The following SLC36A1 variants were observed in gnomAD, a reference collection of about 807,000 sequenced individuals.
The protein encoded by SLC36A1 is proton-coupled amino acid transporter 1.
SLC36A1 carries 30 observed loss-of-function variants against 47.5 expected under a neutral mutation model. The ratio of observed to expected loss-of-function variants is 0.63; its 90% CI spans 0.47 to 0.86. The LOEUF is 0.86. Among genes scored for constraint, SLC36A1 ranks in the 40% least tolerant of loss-of-function variants. The pLI is 0.00. For synonymous variants in SLC36A1, 255 were observed against 249.7 expected, an observed-to-expected ratio of 1.02 and a Z score of -0.20; for missense variants, 517 against 606.0, an observed-to-expected ratio of 0.85 and a Z score of 1.54.
chr5:151,492,911 C>G (rs188698834), downstream of SLC36A1, among the ~76,000 whole-genome samples: 1 of 152,206 alleles, frequency 6.6e-6, no homozygotes, highest in African/African-American at 2.4e-5. Flanking sequence ...TGCCTACAGG[C>G]CTGCCCTATG....
At chr5:151,527,503 C>G in the SLC36A1 span, 15 of 856,250 alleles carry the variant, frequency 1.8e-5, no homozygotes, top group African/African-American at 2.6e-4. Context: ...ACCCCCACTG[C>G]CCACCCGTAG....
upstream of SLC36A1, among the ~76,000 whole-genome samples, chr5:151,435,317 G>T (rs1284277150): frequency 6.6e-6 from 1 of 152,156 alleles, no homozygotes; most frequent in Non-Finnish European, 1.5e-5. Flanking sequence ...ATGCTGAGAG[G>T]ATATAAACTA....
chr5:151,543,573 A>G, the SLC36A1 span: 1 of 1,614,198 alleles, frequency 6.2e-7, no homozygotes, highest in Non-Finnish European at 8.5e-7. Context: ...TGATGATAGT[A>G]TAATCTATAG....
At chr5:151,359,416 C>T in the SLC36A1 span, among the ~76,000 whole-genome samples, 2 of 152,180 alleles carry the variant, frequency 1.3e-5, no homozygotes, top group Non-Finnish European at 2.9e-5. Flanking sequence ...CTCTCTTTCT[C>T]TTCTAGTCTA....
chr5:151,458,250 A>C (rs1262282222), intron 1 of SLC36A1, among the ~76,000 whole-genome samples: 1 of 95,058 alleles, frequency 1.1e-5, no homozygotes, highest in East Asian at 2.1e-4. Flanking sequence ...GAGCTTGTAC[A>C]TATATATATA....
chr5:151,443,916 G>C (rs1029708060), upstream of SLC36A1, among the ~76,000 whole-genome samples: 2 of 152,126 alleles, frequency 1.3e-5, no homozygotes, highest in Non-Finnish European at 2.9e-5. Context: ...CGTTTATTGA[G>C]GAGACTGTCT....
At chr5:151,550,281 T>C in the SLC36A1 span, among the ~76,000 whole-genome samples, 1 of 152,190 alleles carries the variant, frequency 6.6e-6, no homozygotes, top group South Asian at 2.1e-4. Flanking sequence ...CCCTTCCAGC[T>C]CTGACATTAC....
chr5:151,464,263 A>G (rs941118203), intron 3 of SLC36A1, among the ~76,000 whole-genome samples: 2 of 152,184 alleles, frequency 1.3e-5, no homozygotes, highest in African/African-American at 4.8e-5. Context: ...CAGTCTTGGA[A>G]CAGACTTATC....
chr5:151,347,562 T>C, the SLC36A1 span: 2 of 1,462,150 alleles, frequency 1.4e-6, no homozygotes. Context: ...AGCACAGTGG[T>C]GTGTGCCCGG....
chr5:151,517,853 G>T, the SLC36A1 span: 1 of 1,488,970 alleles, frequency 6.7e-7, no homozygotes, highest in Non-Finnish European at 9.2e-7. Flanking sequence ...ATCCTTGGGT[G>T]GCAGACAGAA....
the SLC36A1 span, among the ~76,000 whole-genome samples, chr5:151,407,125 G>C: frequency 2.0e-5 from 3 of 152,216 alleles, no homozygotes; most frequent in Non-Finnish European, 4.4e-5. Flanking sequence ...AGCTCATACA[G>C]GTAGTATGGC....
At chr5:151,436,503 C>G (rs73285668), upstream of SLC36A1, among the ~76,000 whole-genome samples, 1,364 of 151,976 alleles carry the variant, frequency 9.0e-3, 23 homozygotes, top group African/African-American at 0.031. Context: ...CAGGTTCTCA[C>G]ACAACCATAT....
intron 1 of SLC36A1, among the ~76,000 whole-genome samples, chr5:151,454,805 C>T (rs1754250730): frequency 6.6e-6 from 1 of 151,318 alleles, no homozygotes; most frequent in African/African-American, 2.4e-5. Flanking sequence ...CTCCGCCTCC[C>T]GGGTTCACAC....
the SLC36A1 span, among the ~76,000 whole-genome samples, chr5:151,416,093 G>A: frequency 1.3e-5 from 2 of 152,176 alleles, no homozygotes; most frequent in Non-Finnish European, 2.9e-5. Context: ...CAGCCTGGGT[G>A]ACAGAGTGAA....
At chr5:151,346,002 C>T in the SLC36A1 span, among the ~76,000 whole-genome samples, 1,660 of 152,288 alleles carry the variant, frequency 0.011, 34 homozygotes, top group African/African-American at 0.037. Flanking sequence ...AGTGGGAATT[C>T]GAGTCTGGGT....
At chr5:151,377,033 C>T in the SLC36A1 span, among the ~76,000 whole-genome samples, 1 of 152,248 alleles carries the variant, frequency 6.6e-6, no homozygotes, top group South Asian at 2.1e-4. Context: ...TTGAAAGTTC[C>T]TCATGGTATT....
the SLC36A1 span, chr5:151,540,573 A>G: frequency 2.5e-6 from 4 of 1,612,024 alleles, no homozygotes; most frequent in Non-Finnish European, 3.4e-6. Context: ...TCACCTGTGA[A>G]CACTGTGGGC....
the SLC36A1 span, among the ~76,000 whole-genome samples, chr5:151,403,288 C>T: frequency 6.6e-6 from 1 of 151,938 alleles, no homozygotes; most frequent in Admixed American, 6.6e-5. Context: ...GATTTGTGTC[C>T]CCACTTAAAT....
chr5:151,543,378 T>C, the SLC36A1 span: 2 of 1,614,062 alleles, frequency 1.2e-6, no homozygotes, highest in Non-Finnish European at 1.7e-6. Context: ...CTTTGAACTG[T>C]GGGGGGTTGT....
Sources: gnomAD v4.1 joint callset for allele counts (sites outside exome capture counted in the v4.1 genomes callset) on GRCh38, gnomAD v4.1.1 for gene constraint, MANE v1.5 for transcripts, NCBI Gene and HGNC (gene_info 2026-07-23, HGNC 2026-07-21) for gene names.